The following CA10 variants were observed in gnomAD, a reference collection of about 807,000 sequenced individuals.
CA10 encodes the protein carbonic anhydrase 10 (inactive), also known as carbonic anhydrase-related protein 10.
In CA10, 14 loss-of-function variants were observed where a neutral mutation model predicts 44.2. The ratio of observed to expected loss-of-function variants is 0.32; its 90% CI spans 0.21 to 0.50. CA10 has a LOEUF of 0.50. Ranked by LOEUF, CA10 falls within the 20% of genes least tolerant of loss-of-function variation. The pLI is 0.99. For synonymous variants in CA10, 159 were observed against 141.6 expected (o/e 1.12, Z -0.87); for missense variants, 350 against 409.7 (o/e 0.85, Z 1.26).
intron 3 of CA10, among the ~76,000 whole-genome samples, chr17:51,926,403 G>T (rs1010989632): frequency 1.3e-5 from 2 of 152,220 alleles, no homozygotes; most frequent in Admixed American, 6.5e-5. Flanking sequence ...TAGTAAACCA[G>T]TATAATCTTT....
At chr17:52,045,825 C>A (rs1008560782) in intron 2 of CA10, among the ~76,000 whole-genome samples, 2 of 151,922 alleles carry the variant, frequency 1.3e-5, no homozygotes, top group East Asian at 1.9e-4. Context: ...GTGCACGTGG[C>A]ATGTTTTGCA....
chr17:51,756,021 G>T (rs1392397744), intron 3 of CA10, among the ~76,000 whole-genome samples: 1 of 151,744 alleles, frequency 6.6e-6, no homozygotes, highest in Admixed American at 6.6e-5. Flanking sequence ...AGAAGAGCCG[G>T]CATTCTTGCC....
chr17:51,780,446 G>A (rs1390752817), intron 3 of CA10, among the ~76,000 whole-genome samples: 8 of 152,156 alleles, frequency 5.3e-5, no homozygotes, highest in Non-Finnish European at 1.2e-4. Context: ...CCACCACACT[G>A]TTTCTGAGAT....
chr17:52,057,741 A>G (rs1987269738), intron 2 of CA10, among the ~76,000 whole-genome samples: 1 of 152,142 alleles, frequency 6.6e-6, no homozygotes, highest in South Asian at 2.1e-4. Flanking sequence ...TGGCATTTTT[A>G]CAATTTCCAG....
chr17:51,643,390 C>A (rs746594901), intron 6 of CA10, among the ~76,000 whole-genome samples: 3 of 152,160 alleles, frequency 2.0e-5, no homozygotes, highest in South Asian at 2.1e-4. Context: ...TTCGGAAAAT[C>A]TATTTTTCAA....
intron 4 of CA10, among the ~76,000 whole-genome samples, chr17:51,671,401 T>TTTTTGTA (rs1555582503): frequency 1.3e-5 from 2 of 150,906 alleles, no homozygotes; most frequent in Non-Finnish European, 3.0e-5. Context: ...GGGTCATTTT[T>TTTTTGTA]TTTGTTTTTG....
At chr17:52,005,872 AAGG>A (rs919640980) in intron 2 of CA10, among the ~76,000 whole-genome samples, 30 of 151,806 alleles carry the variant, frequency 2.0e-4, no homozygotes, top group African/African-American at 4.1e-4. Flanking sequence ...CTGGTCATGG[AAGG>A]AGAAGAGTGA....
intron 3 of CA10, among the ~76,000 whole-genome samples, chr17:51,760,180 G>A (rs776591411): frequency 1.3e-4 from 20 of 152,212 alleles, no homozygotes; most frequent in Admixed American, 9.2e-4. Flanking sequence ...AACATTCCCC[G>A]TGTGGTCATC....
intron 3 of CA10, among the ~76,000 whole-genome samples, chr17:51,791,163 G>A (rs1394220746): frequency 6.6e-6 from 1 of 152,164 alleles, no homozygotes; most frequent in Non-Finnish European, 1.5e-5. Flanking sequence ...GCATGGTAAT[G>A]GTAATGGTAC....
At chr17:51,916,834 C>T (rs1490755720) in intron 3 of CA10, among the ~76,000 whole-genome samples, 1 of 152,128 alleles carries the variant, frequency 6.6e-6, no homozygotes, top group Non-Finnish European at 1.5e-5. Context: ...GCCTGGGGGA[C>T]CTGAAATACA....
chr17:51,823,232 G>A (rs1384570924), intron 3 of CA10, among the ~76,000 whole-genome samples: 1 of 152,196 alleles, frequency 6.6e-6, no homozygotes, highest in Non-Finnish European at 1.5e-5. Flanking sequence ...TGCCCAGGCG[G>A]TCACATCAGA....
At chr17:52,076,403 TA>T (rs1987820850) in intron 1 of CA10, among the ~76,000 whole-genome samples, 1 of 152,182 alleles carries the variant, frequency 6.6e-6, no homozygotes, top group Admixed American at 6.5e-5. Flanking sequence ...TTTTAGCAGG[TA>T]ATAAGACAAT....
At chr17:51,950,141 C>T (rs1371212337) in intron 2 of CA10, among the ~76,000 whole-genome samples, 4 of 152,228 alleles carry the variant, frequency 2.6e-5, no homozygotes, top group African/African-American at 9.6e-5. Flanking sequence ...CTCACCATCC[C>T]TGCACTGGAT....
At chr17:51,770,817 C>T (rs1386139701) in intron 3 of CA10, among the ~76,000 whole-genome samples, 1 of 151,772 alleles carries the variant, frequency 6.6e-6, no homozygotes, top group Non-Finnish European at 1.5e-5. Context: ...GGGGAGGTGC[C>T]ACACACTTTT....
At chr17:52,079,394 G>C (rs551068906) in intron 1 of CA10, among the ~76,000 whole-genome samples, 1 of 151,894 alleles carries the variant, frequency 6.6e-6, no homozygotes, top group South Asian at 2.1e-4. Flanking sequence ...GGGAGACGGA[G>C]GTTGTAGTGA....
At position 52,059,858 on chromosome 17, in the gene CA10, A is replaced by G. The variant is rs546561475; in HGVS notation, c.136+12461T>C. 3.7e-4 allele frequency among the ~76,000 whole-genome samples: 56 copies of G among 152,316 alleles called. No individual in the cohort carries two copies. In the East Asian group the frequency reaches 3.9e-3, roughly 11 times the overall value. ...TCTACTCTCAAACACAAAGGTTTAC[A>G]TACAATTTTGTAGCAAAACAATTGA... is the stretch of plus-strand genomic sequence containing the variant. On this transcript the variant is annotated intron_variant, in intron 2 of 8. Transcript: ENST00000451037.
rs1914792686 is a variant in CA10 at position 51,680,129 on chromosome 17, AGTAATAT to A, written c.466-26400_466-26394del. Among the ~76,000 whole-genome samples, 4 of 152,206 alleles carry A rather than the reference AGTAATAT, an allele frequency of 2.6e-5. No individual in the cohort carries two copies. In the South Asian group the frequency reaches 8.3e-4, roughly 31 times the overall value. On this transcript the variant is annotated intron_variant, in intron 4 of 8. Coordinates refer to ENST00000451037, the MANE Select transcript of CA10 (RefSeq NM_020178.5). ...AAAAAATTGTCTATCCCTGGTATAAAGTAATATGGGATTTCAAGAGAGAGGGAAAGAT... is the reference window on the plus strand; with the variant it reads ...AAAAAATTGTCTATCCCTGGTATAAAGGGATTTCAAGAGAGAGGGAAAGAT...
chr17:51,764,644 T>C (rs573350364), intron 3 of CA10, among the ~76,000 whole-genome samples: 1 of 152,312 alleles, frequency 6.6e-6, no homozygotes, highest in South Asian at 2.1e-4. Context: ...AGCTGGCCTA[T>C]GGCTGAGAGC....
intron 1 of CA10, among the ~76,000 whole-genome samples, chr17:52,130,786 C>G (rs77925299): frequency 6.6e-6 from 1 of 152,024 alleles, no homozygotes; most frequent in Non-Finnish European, 1.5e-5. Context: ...AAGCCTCAGA[C>G]TCTTGGGCTC....
Sources: allele counts gnomAD v4.1 joint callset (sites outside exome capture counted in the v4.1 genomes callset), GRCh38; gene constraint gnomAD v4.1.1; transcripts MANE v1.5; gene names NCBI Gene and HGNC (gene_info 2026-07-23, HGNC 2026-07-21).